KLC2: variants seen among roughly 807,000 people sequenced by gnomAD.
The protein encoded by KLC2 is kinesin light chain 2, also known as KLC 2.
A neutral mutation model predicts 75.1 loss-of-function variants in KLC2; 35 were observed. The ratio of observed to expected loss-of-function variants is 0.47; its 90% CI spans 0.36 to 0.62. The LOEUF (loss-of-function observed/expected upper bound fraction) is 0.62. Ranked by LOEUF, KLC2 falls within the 20% of genes least tolerant of loss-of-function variation. KLC2 has a pLI of 0.00. For missense variants in KLC2, 611 were observed against 833.2 expected (o/e 0.73, Z 3.28); for synonymous variants, 314 against 336.7 (o/e 0.93, Z 0.74).
At chr11:66,259,156 A>G (rs72936689) in intron 2 of KLC2, among the ~76,000 whole-genome samples, 7,081 of 152,244 alleles carry the variant, frequency 0.047, 228 homozygotes, top group Non-Finnish European at 0.068. Flanking sequence ...TCGTTAACAG[A>G]TGAGTTATTG....
rs1432413652 is a variant in KLC2, at chr11:66,261,750, G to T, written c.237G>T (p.Leu79Phe). ...ELGLGEAQVI[L>F]ALSSHLGAVE... ...CTGGGCTGGTTGCACAGGTGATCTTGGCATTGTCGAGCCACCTGGGGGCTG... is the reference window on the plus strand; with the variant it reads ...CTGGGCTGGTTGCACAGGTGATCTTTGCATTGTCGAGCCACCTGGGGGCTG... The change falls in exon 3 of 16, where the codon TTG (leucine) becomes TTT (phenylalanine). Residue 79 changes from leucine (L) to phenylalanine (F), a missense_variant. By Grantham distance (22) the Leu-to-Phe change is conservative (BLOSUM62 0). Transcript: ENST00000394067. 2.5e-6 allele frequency: 4 copies of T among 1,610,260 alleles called. No individual in the cohort carries two copies. In the South Asian group the frequency reaches 4.4e-5, roughly 18 times the overall value.
At chr11:66,251,383 T>G in the KLC2 span, among the ~76,000 whole-genome samples, 1 of 134,268 alleles carries the variant, frequency 7.4e-6, no homozygotes, top group African/African-American at 2.6e-5. Context: ...TCCCAGCTAC[T>G]TGGGAAGCTG....
chr11:66,265,151 A>G lies in KLC2; in HGVS notation c.1267-17A>G. On this transcript the variant is annotated splice_polypyrimidine_tract_variant and intron_variant, in intron 10 of 15. Transcript: ENST00000394067. ...GGGGGGCCTGCTCTCACTTCTTGTG[A>G]CCATTCTTTCCTCCAGGATAAGCGC... The G allele has an allele frequency of 6.2e-7, 1 of 1,612,074 alleles. No individual in the cohort carries two copies. Among genetic ancestry groups the G allele is most frequent in the Non-Finnish European group, 8.5e-7 (1 of 1,178,528 alleles).
chr11:66,262,457 CTCT>C, intron 4 of KLC2: 2 of 559,518 alleles, frequency 3.6e-6, no homozygotes, highest in South Asian at 4.3e-5. Context: ...TGGGAGAGTT[CTCT>C]TCCTCTCCGA....
Position 66,265,219 on chromosome 11 carries a change from G to A in KLC2, c.1318G>A (p.Ala440Thr). ...PYGEYGSWYKACKVDSPTVNT... is the reference protein window; with the variant it reads ...PYGEYGSWYKTCKVDSPTVNT... ...TGGGGAATACGGCAGCTGGTACAAG[G>A]CCTGTAAAGTAGACAGGTGAGTGGG... The change falls in exon 11 of 16, where the codon GCC becomes ACC. Residue 440 changes from alanine to threonine, a missense_variant. Transcript: ENST00000394067. 6.4e-7 allele frequency: 1 copy of A among 1,570,750 alleles called. No individual in the cohort carries two copies. Among genetic ancestry groups the A allele is most frequent in the Non-Finnish European group, 8.8e-7 (1 of 1,142,382 alleles).
At position 66,266,081 on chromosome 11, in the gene KLC2, G is replaced by T; in HGVS notation, c.1603-12G>T. 6.2e-7 allele frequency: 1 copy of T among 1,614,084 alleles called. No individual in the cohort carries two copies. Among genetic ancestry groups the T allele is most frequent in the Non-Finnish European group, 8.5e-7 (1 of 1,179,944 alleles). On this transcript the variant is annotated splice_polypyrimidine_tract_variant and intron_variant, in intron 13 of 15. Transcript: ENST00000394067. The stretch of plus-strand genomic sequence containing the variant: ...GCCAGCGGGGCCTAGAGGCAAGCCT[G>T]TCCACCTGCAGGATGGCAGTGGCTC...
In KLC2 at chr11:66,262,939, C is replaced by T; in HGVS notation, c.655C>T (p.Pro219Ser). 6.2e-7 allele frequency: 1 copy of T among 1,613,944 alleles called. No individual in the cohort carries two copies. Among genetic ancestry groups the T allele is most frequent in the Non-Finnish European group, 8.5e-7 (1 of 1,179,930 alleles). Residue 219 changes from proline (P) to serine (S), a missense_variant, in exon 5 of 16, where the codon CCA becomes TCA. Physicochemically the swap from Pro to Ser is moderately conservative, Grantham distance 74 (BLOSUM62 -1). Transcript: ENST00000394067. ...ACAGGGCCGCTACGAGGTAGCTGTG[C>T]CACTCTGCAAGCAGGCACTCGAAGA... ...ASQGRYEVAVPLCKQALEDLE... is the reference protein window; with the variant it reads ...ASQGRYEVAVSLCKQALEDLE...
At chr11:66,261,401 G>C (rs963099487) in intron 2 of KLC2, 7 of 225,618 alleles carry the variant, frequency 3.1e-5, no homozygotes, top group African/African-American at 1.6e-4. Context: ...TAACCTACTG[G>C]CTGTGGCAGC....
chr11:66,247,790 G>A, the KLC2 span, among the ~76,000 whole-genome samples: 5 of 152,240 alleles, frequency 3.3e-5, no homozygotes, highest in East Asian at 9.6e-4. Context: ...ATAAATACTC[G>A]TTTGCAGAAT....
rs201212939 is a variant in KLC2, at chr11:66,265,997, A to G, written c.1587A>G (p.Thr529=). Residue 529 remains threonine, a synonymous_variant, in exon 13 of 16, where the codon ACA becomes ACG. Coordinates refer to ENST00000394067, the MANE Select transcript of KLC2 (RefSeq NM_001318734.2). ...CTGACCTCGAGGACGTGGGACCTAC[A>G]GCTGAGTGGAATGGGGTGAGTCCGG... The part of the protein sequence containing the change: ...SESDLEDVGP[T]AEWNGDGSGS... 24 of 1,612,512 alleles carry G rather than the reference A, an allele frequency of 1.5e-5. No individual in the cohort carries two copies. In the East Asian group the frequency reaches 5.1e-4, roughly 34 times the overall value.
chr11:66,262,941 A>T lies in KLC2; in HGVS notation c.657A>T (p.Pro219=), dbSNP rs1444823275. The change falls in exon 5 of 16, where the codon CCA becomes CCT. Residue 219 remains proline, a synonymous_variant. Transcript: ENST00000394067. ...AGGGCCGCTACGAGGTAGCTGTGCC[A>T]CTCTGCAAGCAGGCACTCGAAGACC... The part of the protein sequence containing the change: ...ASQGRYEVAV[P]LCKQALEDLE... The T allele has an allele frequency of 6.2e-7, 1 of 1,613,740 alleles. No homozygotes were observed. The highest frequency in any genetic ancestry group is 1.1e-5 in the South Asian group (1 of 91,052).
upstream of KLC2, among the ~76,000 whole-genome samples, chr11:66,254,350 C>T (rs192462576): frequency 3.3e-5 from 5 of 152,100 alleles, no homozygotes; most frequent in Non-Finnish European, 4.4e-5. Context: ...GCGCACAGCA[C>T]AGGCACCACT....
rs767674395 is a variant in KLC2 at position 66,263,643 on chromosome 11, C to T, written c.753-17C>T. 8 of 1,593,052 alleles carry T rather than the reference C, an allele frequency of 5.0e-6. No individual in the cohort carries two copies. Among genetic ancestry groups the T allele is most frequent in the African/African-American group, 2.7e-5 (2 of 74,506 alleles). On this transcript the variant is annotated splice_polypyrimidine_tract_variant and intron_variant, in intron 5 of 15. Transcript: ENST00000394067. ...GAGCTGGAGGACAGCCCTGACCATGCTCCTACCTGCTCCCAGGGATCAGAA... is the reference window on the plus strand; with the variant it reads ...GAGCTGGAGGACAGCCCTGACCATGTTCCTACCTGCTCCCAGGGATCAGAA...
At chr11:66,252,800 G>A (rs1855974922), upstream of KLC2, among the ~76,000 whole-genome samples, 1 of 152,108 alleles carries the variant, frequency 6.6e-6, no homozygotes, top group Non-Finnish European at 1.5e-5. Context: ...AAGAGAGGGT[G>A]CAGATTTGCC....
Position 66,265,086 on chromosome 11 carries a change from G to T in KLC2, c.1266+14G>T. 1 of 1,609,878 alleles carries T rather than the reference G, an allele frequency of 6.2e-7. No homozygotes were observed. The highest frequency in any genetic ancestry group is 8.5e-7 in the Non-Finnish European group (1 of 1,176,608). ...GAGGAAAGCAAGGTAGCTCTGTGGGGCAGGCTGGGCGGTTGTCAGGGGAGG... is the reference window on the plus strand; with the variant it reads ...GAGGAAAGCAAGGTAGCTCTGTGGGTCAGGCTGGGCGGTTGTCAGGGGAGG... On this transcript the variant is annotated intron_variant, in intron 10 of 15. Transcript: ENST00000394067.
At chr11:66,262,000 C>G in intron 3 of KLC2, 28 bp downstream of exon 3, 1 of 1,603,914 alleles carries the variant, frequency 6.2e-7, no homozygotes, top group Middle Eastern at 1.7e-4. Context: ...TCACTGTTGC[C>G]CAGCAAGGAG....
chr11:66,256,871 G>A (rs548065868), upstream of KLC2, among the ~76,000 whole-genome samples: 2 of 152,198 alleles, frequency 1.3e-5, no homozygotes, highest in Admixed American at 6.5e-5. Context: ...ACTGGGCCCT[G>A]GGCTGATCAC....
At chr11:66,258,447 G>C (rs1448183166) in intron 1 of KLC2, 137 bp from the exon 2 acceptor site, 2 of 620,008 alleles carry the variant, frequency 3.2e-6, no homozygotes, top group Non-Finnish European at 5.7e-6. Flanking sequence ...GCGCGGGCAC[G>C]GTGCGGGCTG....
At chr11:66,249,460 C>T in the KLC2 span, among the ~76,000 whole-genome samples, 1 of 152,190 alleles carries the variant, frequency 6.6e-6, no homozygotes, top group Admixed American at 6.5e-5. Flanking sequence ...TCTTTCGCCA[C>T]CCCTTTCACC....
Sources: allele counts gnomAD v4.1 joint callset (sites outside exome capture counted in the v4.1 genomes callset), GRCh38; gene constraint gnomAD v4.1.1; transcripts MANE v1.5; gene names NCBI Gene and HGNC (gene_info 2026-07-23, HGNC 2026-07-21).